Variants in WDR7 observed in about 807,000 individuals in gnomAD.
WDR7 encodes the protein WD repeat-containing protein 7.
WDR7 carries 46 observed loss-of-function variants against 169.4 expected under a neutral mutation model. The ratio of observed to expected loss-of-function variants is 0.27; its 90% CI spans 0.21 to 0.35. The LOEUF (loss-of-function observed/expected upper bound fraction) is 0.35, where lower values mean the gene tolerates loss of function less well. Ranked by LOEUF, WDR7 falls within the 10% of genes least tolerant of loss-of-function variation. WDR7 has a pLI of 1.00. For missense variants in WDR7, 1,534 were observed against 1,859.3 expected (o/e 0.83, Z 3.22); for synonymous variants, 612 against 666.8 (o/e 0.92, Z 1.27).
chr18:56,733,634 C>G (rs1050028805), intron 14 of WDR7, among the ~76,000 whole-genome samples: 1 of 152,134 alleles, frequency 6.6e-6, no homozygotes, highest in Non-Finnish European at 1.5e-5. Context: ...GTTAATTATA[C>G]TGGACATTGA....
At chr18:56,815,938 A>T (rs1599068283) in intron 19 of WDR7, 93 bp from the exon 20 acceptor site, 2 of 977,820 alleles carry the variant, frequency 2.0e-6, no homozygotes, top group Non-Finnish European at 3.0e-6. Context: ...TATTGTGTTT[A>T]TGTCCATTAA....
chr18:56,748,315 A>G (rs1252535161), intron 14 of WDR7, among the ~76,000 whole-genome samples: 2 of 152,122 alleles, frequency 1.3e-5, no homozygotes, highest in Non-Finnish European at 2.9e-5. Flanking sequence ...TGGTCTTGTT[A>G]CTTTGGTAAC....
At chr18:56,898,320 G>A (rs913175205) in intron 21 of WDR7, among the ~76,000 whole-genome samples, 2 of 152,012 alleles carry the variant, frequency 1.3e-5, no homozygotes, top group East Asian at 1.9e-4. Context: ...AATAAATATA[G>A]CAAGAATCAG....
At chr18:56,727,000 T>C (rs148413727) in intron 13 of WDR7, among the ~76,000 whole-genome samples, 1 of 152,314 alleles carries the variant, frequency 6.6e-6, no homozygotes, top group African/African-American at 2.4e-5. Flanking sequence ...TGGAGCTTTC[T>C]TCACCCTGGT....
intron 21 of WDR7, among the ~76,000 whole-genome samples, chr18:56,900,110 A>ATATATATATATATATATATATATAT (rs1568256012): frequency 2.0e-5 from 3 of 147,824 alleles, no homozygotes; most frequent in African/African-American, 2.5e-5. Flanking sequence ...ATATATATAT[A>ATATATATATATATATATATATATAT]AAATTGTTAA....
At position 56,904,584 on chromosome 18, in the gene WDR7, CTGTGCAG is replaced by C. The variant is rs1281471543; in HGVS notation, c.3527-19337_3527-19331del. Among the ~76,000 whole-genome samples the C allele has an allele frequency of 3.9e-5, 6 of 152,186 alleles. No individual in the cohort carries two copies. The East Asian group carries it at 1.2e-3, about 29-fold the overall frequency. On this transcript the variant is annotated intron_variant, in intron 21 of 27. Coordinates refer to ENST00000254442, the MANE Select transcript of WDR7 (RefSeq NM_015285.3). ...TATTAGGTTTTTACAATTATTGCCC[CTGTGCAG>C]AGTGGAGAGTGGCAGCCATTCCTGC...
intron 19 of WDR7, among the ~76,000 whole-genome samples, chr18:56,797,304 T>A (rs1483164985): frequency 2.6e-5 from 4 of 152,082 alleles, no homozygotes; most frequent in Non-Finnish European, 5.9e-5. Flanking sequence ...CTGCTTTACC[T>A]GATAAGGCCC....
intron 26 of WDR7, among the ~76,000 whole-genome samples, chr18:56,964,439 T>C (rs1030327054): frequency 6.6e-6 from 1 of 152,114 alleles, no homozygotes; most frequent in Non-Finnish European, 1.5e-5. Flanking sequence ...AGGTGTGATC[T>C]TGGCTCACTG....
At chr18:56,851,347 A>G (rs1339881440) in intron 20 of WDR7, among the ~76,000 whole-genome samples, 2 of 151,862 alleles carry the variant, frequency 1.3e-5, no homozygotes, top group African/African-American at 4.8e-5. Context: ...CCCACCCTAT[A>G]TCACCCAACT....
chr18:56,676,040 A>T (rs1349241173), intron 2 of WDR7, among the ~76,000 whole-genome samples: 3 of 152,010 alleles, frequency 2.0e-5, no homozygotes, highest in Admixed American at 6.6e-5. Context: ...TTTGCTTTAT[A>T]TATCTGGGTG....
rs1298967519 is a variant in WDR7 at position 56,685,961 on chromosome 18, A to G, written c.526A>G (p.Thr176Ala). 1.9e-6 allele frequency: 3 copies of G among 1,602,518 alleles called. No homozygotes were observed. The highest frequency in any genetic ancestry group is 2.6e-6 in the Non-Finnish European group (3 of 1,176,250). Residue 176 changes from threonine (T) to alanine (A), a missense_variant, in exon 6 of 28, where the codon ACA becomes GCA. Physicochemically the swap from Thr to Ala is moderately conservative, Grantham distance 58. Transcript: ENST00000254442. Reference protein sequence around the residue: ...IIRSHRTQEDTVVALSVTGIL... With the variant: ...IIRSHRTQEDAVVALSVTGIL... ...TTTGTCCCTTCTCATTTTAGAGGAC[A>G]CAGTGGTAGCACTCTCGGTGACTGG...
At chr18:56,721,518 C>A (rs1362867277) in intron 13 of WDR7, 1 of 152,190 alleles carries the variant, frequency 6.6e-6, no homozygotes, top group Non-Finnish European at 1.5e-5. Flanking sequence ...TAAAAAACTA[C>A]CCAAACACTA....
At chr18:56,949,359 G>T (rs2047149820) in intron 25 of WDR7, among the ~76,000 whole-genome samples, 1 of 152,098 alleles carries the variant, frequency 6.6e-6, no homozygotes, top group Non-Finnish European at 1.5e-5. Context: ...AACTCATTTT[G>T]CATTGATGTA....
chr18:56,699,587 T>G (rs919097773), intron 12 of WDR7, among the ~76,000 whole-genome samples: 24 of 152,320 alleles, frequency 1.6e-4, no homozygotes, highest in African/African-American at 4.3e-4. Flanking sequence ...GAGTTTGGAC[T>G]TCTTGTAATT....
At chr18:56,815,895 T>C in intron 19 of WDR7, 136 bp from the exon 20 acceptor site, 2 of 662,936 alleles carry the variant, frequency 3.0e-6, no homozygotes, top group Non-Finnish European at 5.0e-6. Context: ...GATTTGTGTC[T>C]CTAATTTTGG....
chr18:56,959,231 A>G (rs1313829896), intron 25 of WDR7, among the ~76,000 whole-genome samples: 3 of 152,094 alleles, frequency 2.0e-5, no homozygotes, highest in South Asian at 2.1e-4. Context: ...GGCATATTCA[A>G]GAAAGTGCAA....
At chr18:56,674,314 G>C (rs967887453) in intron 2 of WDR7, among the ~76,000 whole-genome samples, 1 of 152,102 alleles carries the variant, frequency 6.6e-6, no homozygotes, top group African/African-American at 2.4e-5. Flanking sequence ...TTATCTTTTT[G>C]ATTCTAGCCC....
intron 21 of WDR7, among the ~76,000 whole-genome samples, chr18:56,897,586 C>T (rs868372294): frequency 4.0e-5 from 6 of 151,860 alleles, no homozygotes; most frequent in Non-Finnish European, 4.4e-5. Context: ...GGTAGAACTA[C>T]CCAAGGGGCT....
chr18:56,914,133 C>T (rs2046590918), intron 21 of WDR7, among the ~76,000 whole-genome samples: 1 of 152,242 alleles, frequency 6.6e-6, no homozygotes, highest in Non-Finnish European at 1.5e-5. Flanking sequence ...CATCCGGCCA[C>T]ACTGGACGTT....
Sources: allele counts gnomAD v4.1 joint callset (sites outside exome capture counted in the v4.1 genomes callset), GRCh38; gene constraint gnomAD v4.1.1; transcripts MANE v1.5; gene names NCBI Gene and HGNC (gene_info 2026-07-23, HGNC 2026-07-21).